EDDM13: variants seen among roughly 807,000 people sequenced by gnomAD.
EDDM13 encodes epididymal protein 13.
EDDM13 carries 24 observed loss-of-function variants against 17.8 expected under a neutral mutation model. The ratio of observed to expected loss-of-function variants is 1.35; its 90% CI spans 0.98 to 1.90. The LOEUF (loss-of-function observed/expected upper bound fraction) is 1.90. Among genes scored for constraint, EDDM13 ranks in the 40% most tolerant of loss-of-function variants. EDDM13 has a pLI of 0.00. For synonymous variants in EDDM13, 31 were observed against 37.5 expected, an observed-to-expected ratio of 0.83 and a Z score of 0.63; for missense variants, 97 against 100.8, an observed-to-expected ratio of 0.96 and a Z score of 0.16.
intron 4 of EDDM13, 144 bp downstream of exon 4, chr19:56,282,643 G>A (rs2038800755): frequency 3.2e-6 from 1 of 308,946 alleles, no homozygotes; most frequent in African/African-American, 2.3e-5. Flanking sequence ...AAAACCAAGT[G>A]TGGAATTGTC....
chr19:56,301,005 A>AG (rs1239355560), intron 12 of EDDM13, among the ~76,000 whole-genome samples: 4 of 152,110 alleles, frequency 2.6e-5, no homozygotes, highest in Admixed American at 2.6e-4. Flanking sequence ...TAGTGGGCAG[A>AG]GGCAGCCATC....
intron 14 of EDDM13, 65 bp downstream of exon 14, chr19:56,304,895 A>T (rs1167968056): frequency 1.6e-6 from 1 of 628,952 alleles, no homozygotes; most frequent in Admixed American, 6.3e-5. Context: ...GGTTCATCCC[A>T]ACTGCCTGGC....
intron 13 of EDDM13, chr19:56,302,785 GA>G: frequency 2.5e-6 from 1 of 397,412 alleles, no homozygotes; most frequent in Middle Eastern, 6.3e-4. Context: ...GGGCTCCTTT[GA>G]AATACTGTCA....
intron 12 of EDDM13, among the ~76,000 whole-genome samples, chr19:56,298,749 A>C (rs10402201): frequency 0.013 from 2,023 of 152,328 alleles, 51 homozygotes; most frequent in African/African-American, 0.045. Context: ...TTTCAGGATC[A>C]AGTTAGCTTT....
chr19:56,288,917 C>G (rs2039325925), intron 8 of EDDM13, among the ~76,000 whole-genome samples, 26 bp downstream of exon 8: 2 of 152,282 alleles, frequency 1.3e-5, no homozygotes, highest in South Asian at 4.1e-4. Flanking sequence ...GTTTTTGTCT[C>G]TGAAATTAGA....
At chr19:56,303,787 T>C (rs1041610573) in intron 13 of EDDM13, among the ~76,000 whole-genome samples, 1 of 149,422 alleles carries the variant, frequency 6.7e-6, no homozygotes, top group Non-Finnish European at 1.5e-5. Context: ...TGAGCAGCCA[T>C]GGCCACGGGC....
At chr19:56,278,210 C>A (rs969875164) in intron 2 of EDDM13, among the ~76,000 whole-genome samples, 1 of 152,060 alleles carries the variant, frequency 6.6e-6, no homozygotes, top group Non-Finnish European at 1.5e-5. Context: ...TGACATCTGC[C>A]TCCTGGGTTC....
At chr19:56,308,331 CTT>C (rs543582885) in intron 14 of EDDM13, among the ~76,000 whole-genome samples, 2 of 144,666 alleles carry the variant, frequency 1.4e-5, no homozygotes, top group Non-Finnish European at 3.0e-5. Flanking sequence ...GGCTCCCAGT[CTT>C]TTTTTTTTGA....
At chr19:56,303,973 A>AG (rs2040513176) in intron 13 of EDDM13, among the ~76,000 whole-genome samples, 1 of 152,184 alleles carries the variant, frequency 6.6e-6, no homozygotes, top group Non-Finnish European at 1.5e-5. Flanking sequence ...GTGACCTGAG[A>AG]GGGGCAGGGG....
chr19:56,284,852 G>A (rs758226983), intron 5 of EDDM13, 146 bp from the exon 6 acceptor site: 39 of 201,196 alleles, frequency 1.9e-4, no homozygotes, highest in Non-Finnish European at 3.2e-4. Context: ...GATTAAGTGG[G>A]AATAATGAGG....
At chr19:56,304,297 G>A (rs145706726) in intron 13 of EDDM13, among the ~76,000 whole-genome samples, 95 of 152,348 alleles carry the variant, frequency 6.2e-4, no homozygotes, top group African/African-American at 2.3e-3. Flanking sequence ...CCAGGGAGAT[G>A]AGCCTGAGAC....
chr19:56,299,697 A>G (rs1421742238), intron 12 of EDDM13: 1 of 152,202 alleles, frequency 6.6e-6, no homozygotes, highest in Admixed American at 6.5e-5. Flanking sequence ...TCATCTCTAG[A>G]TTACTTATAA....
intron 4 of EDDM13, chr19:56,283,700 A>G (rs1423144675): frequency 1.3e-5 from 2 of 152,190 alleles, no homozygotes; most frequent in Admixed American, 6.5e-5. Flanking sequence ...TCTGAGTTTG[A>G]GTTCCTGCTT....
intron 8 of EDDM13, among the ~76,000 whole-genome samples, chr19:56,290,586 C>T (rs933633747): frequency 2.6e-5 from 4 of 152,102 alleles, no homozygotes; most frequent in Non-Finnish European, 5.9e-5. Flanking sequence ...GGGTTGGACA[C>T]GGTGGCTCAT....
chr19:56,297,709 A>C, intron 12 of EDDM13, 178 bp downstream of exon 12: 1 of 159,548 alleles, frequency 6.3e-6, no homozygotes, highest in Non-Finnish European at 1.3e-5. Flanking sequence ...TGCCCCTTTC[A>C]CACTGCTCAT....
intron 14 of EDDM13, among the ~76,000 whole-genome samples, chr19:56,306,219 G>A (rs1052357004): frequency 5.3e-5 from 8 of 152,202 alleles, no homozygotes; most frequent in Non-Finnish European, 8.8e-5. Flanking sequence ...TCCAGGGTAC[G>A]GAGAGAAAGT....
At chr19:56,307,267 T>A (rs1314005300) in intron 14 of EDDM13, among the ~76,000 whole-genome samples, 1 of 152,220 alleles carries the variant, frequency 6.6e-6, no homozygotes, top group Non-Finnish European at 1.5e-5. Flanking sequence ...GTGCCCTTTT[T>A]ACATTAAAAA....
chr19:56,291,830 C>T (rs1257291728), intron 9 of EDDM13, among the ~76,000 whole-genome samples: 4 of 152,104 alleles, frequency 2.6e-5, no homozygotes, highest in African/African-American at 9.7e-5. Context: ...CCAATCCCTC[C>T]TCGAATCAGG....
chr19:56,277,181 AG>A (rs1402364137), intron 2 of EDDM13, among the ~76,000 whole-genome samples: 1 of 152,168 alleles, frequency 6.6e-6, no homozygotes, highest in Non-Finnish European at 1.5e-5. Context: ...ATTCCGCTCT[AG>A]GTATGTGCCC....
Sources: allele counts gnomAD v4.1 joint callset (sites outside exome capture counted in the v4.1 genomes callset), GRCh38; gene constraint gnomAD v4.1.1; transcripts MANE v1.5; gene names NCBI Gene and HGNC (gene_info 2026-07-23, HGNC 2026-07-21).